Variants in EIF4G3 observed in about 807,000 individuals in gnomAD.
The protein encoded by EIF4G3 is eIF-4-gamma 3.
A neutral mutation model predicts 186.4 loss-of-function variants in EIF4G3; 34 were observed. The observed-to-expected ratio is 0.18, with a 90% CI of 0.14 to 0.24. The LOEUF (loss-of-function observed/expected upper bound fraction) is 0.24. Ranked by LOEUF, EIF4G3 falls within the 10% of genes least tolerant of loss-of-function variation. EIF4G3 has a pLI of 1.00. For synonymous variants in EIF4G3, 673 were observed against 679.5 expected (o/e 0.99, Z 0.15); for missense variants, 1,536 against 1,948.5 (o/e 0.79, Z 3.99).
chr1:21,015,768 A>C (rs1571019252), intron 4 of EIF4G3, among the ~76,000 whole-genome samples: 1 of 151,334 alleles, frequency 6.6e-6, no homozygotes, highest in Non-Finnish European at 1.5e-5. Context: ...AAAAAAAAAA[A>C]AAAACCCTAT....
intron 4 of EIF4G3, among the ~76,000 whole-genome samples, chr1:21,025,409 T>C (rs1386789290): frequency 2.6e-5 from 4 of 151,864 alleles, no homozygotes; most frequent in South Asian, 2.1e-4. Flanking sequence ...CCCAGGTACA[T>C]AGTGATAAGG....
At chr1:20,917,622 G>C (rs1006884524) in intron 14 of EIF4G3, among the ~76,000 whole-genome samples, 5 of 152,190 alleles carry the variant, frequency 3.3e-5, no homozygotes, top group African/African-American at 4.8e-5. Flanking sequence ...TGAAGATGAG[G>C]GTAGTAGTGC....
At chr1:21,149,242 A>T (rs972559478) in intron 2 of EIF4G3, among the ~76,000 whole-genome samples, 1 of 152,240 alleles carries the variant, frequency 6.6e-6, no homozygotes, top group Non-Finnish European at 1.5e-5. Context: ...GTGTACATAA[A>T]TATGTACAAA....
chr1:21,145,853 G>A (rs2097430785), intron 2 of EIF4G3, among the ~76,000 whole-genome samples: 1 of 152,096 alleles, frequency 6.6e-6, no homozygotes. Flanking sequence ...GGCCACCACA[G>A]GAGGATCATT....
intron 18 of EIF4G3, 117 bp downstream of exon 18, chr1:20,893,400 T>G: frequency 1.2e-6 from 1 of 835,294 alleles, no homozygotes; most frequent in East Asian, 3.4e-5. Context: ...TCTTTGCCTC[T>G]TCTTCTTCTT....
intron 4 of EIF4G3, among the ~76,000 whole-genome samples, chr1:21,008,683 T>C (rs2086042764): frequency 1.3e-5 from 2 of 152,280 alleles, no homozygotes; most frequent in South Asian, 2.1e-4. Context: ...TAAAGAGATA[T>C]AGATGTAAGA....
chr1:21,106,365 A>C (rs1252190855), intron 2 of EIF4G3, among the ~76,000 whole-genome samples: 2 of 152,172 alleles, frequency 1.3e-5, no homozygotes, highest in Non-Finnish European at 2.9e-5. Context: ...AGACAGTAGG[A>C]TAACAGAAAT....
At position 20,855,068 on chromosome 1, in the gene EIF4G3, T is replaced by G; in HGVS notation, c.3343A>C (p.Thr1115Pro). 6.2e-7 allele frequency: 1 copy of G among 1,607,788 alleles called. No homozygotes were observed. ...ACCAGCTGAATTTTTTCATCAATTG[T>G]AGGCTGTAACATAAGGGACCACAAG... ...PSKFLKITKPTIDEKIQLVPK... is the reference protein window; with the variant it reads ...PSKFLKITKPPIDEKIQLVPK... Residue 1115 changes from threonine to proline, a missense_variant, in exon 26 of 37, where the codon ACA (threonine) becomes CCA (proline). Coordinates refer to ENST00000602326, the MANE Select transcript of EIF4G3 (RefSeq NM_001391906.1).
intron 4 of EIF4G3, among the ~76,000 whole-genome samples, chr1:21,005,687 T>C (rs1242466628): frequency 1.3e-5 from 2 of 152,206 alleles, no homozygotes; most frequent in African/African-American, 4.8e-5. Flanking sequence ...GATAAAGTTC[T>C]TTTGTTCAGA....
At chr1:21,172,795 A>G (rs2098010270) in intron 2 of EIF4G3, among the ~76,000 whole-genome samples, 3 of 148,932 alleles carry the variant, frequency 2.0e-5, no homozygotes, top group African/African-American at 7.5e-5. Flanking sequence ...TGATCTGCCC[A>G]CCTCGGCCTC....
chr1:20,895,954 T>G (rs550564779), intron 16 of EIF4G3, among the ~76,000 whole-genome samples: 1 of 90,120 alleles, frequency 1.1e-5, no homozygotes, highest in Admixed American at 1.2e-4. Flanking sequence ...AAGGCACTGT[T>G]ATAATAGATG....
At chr1:21,150,693 C>G (rs1198800032) in intron 2 of EIF4G3, among the ~76,000 whole-genome samples, 1 of 152,186 alleles carries the variant, frequency 6.6e-6, no homozygotes, top group Non-Finnish European at 1.5e-5. Context: ...ATAAAAATAA[C>G]TGGCCGGGTG....
At chr1:21,020,860 C>T (rs565538539) in intron 4 of EIF4G3, among the ~76,000 whole-genome samples, 4 of 152,238 alleles carry the variant, frequency 2.6e-5, no homozygotes, top group South Asian at 2.1e-4. Context: ...AGAAAGGGTA[C>T]GTATTTCCTA....
intron 3 of EIF4G3, among the ~76,000 whole-genome samples, chr1:21,077,438 A>G (rs866833296): frequency 6.6e-6 from 1 of 152,010 alleles, no homozygotes; most frequent in Non-Finnish European, 1.5e-5. Flanking sequence ...CAAATGATCT[A>G]AACAGACATT....
At chr1:20,980,554 G>A in intron 9 of EIF4G3, 106 bp from the exon 10 acceptor site, 1 of 748,014 alleles carries the variant, frequency 1.3e-6, no homozygotes, top group Non-Finnish European at 2.1e-6. Flanking sequence ...AAAGTTCTCT[G>A]TGTAAGAGAA....
intron 18 of EIF4G3, among the ~76,000 whole-genome samples, chr1:20,892,893 G>A (rs2086597091): frequency 6.6e-6 from 1 of 152,104 alleles, no homozygotes; most frequent in African/African-American, 2.4e-5. Context: ...AGACTGGAGT[G>A]CAGTGGCATG....
At chr1:20,905,303 T>C (rs762905108) in intron 14 of EIF4G3, among the ~76,000 whole-genome samples, 8 of 152,192 alleles carry the variant, frequency 5.3e-5, no homozygotes, top group African/African-American at 1.7e-4. Context: ...TCTACTTCTA[T>C]TCATCAACTA....
intron 4 of EIF4G3, among the ~76,000 whole-genome samples, chr1:21,017,395 G>A (rs987273035): frequency 2.0e-5 from 3 of 152,032 alleles, no homozygotes; most frequent in Admixed American, 2.0e-4. Context: ...TTGGGAGGCC[G>A]AGGTGGGTGG....
chr1:21,074,351 G>C (rs1240251536), intron 3 of EIF4G3, among the ~76,000 whole-genome samples: 1 of 152,160 alleles, frequency 6.6e-6, no homozygotes, highest in Non-Finnish European at 1.5e-5. Flanking sequence ...CTCACCTCCA[G>C]TTGAGAACAA....
Sources: allele counts gnomAD v4.1 joint callset (sites outside exome capture counted in the v4.1 genomes callset), GRCh38; gene constraint gnomAD v4.1.1; transcripts MANE v1.5; gene names NCBI Gene and HGNC (gene_info 2026-07-23, HGNC 2026-07-21).